The following SCAPER variants were observed in gnomAD, a reference collection of about 807,000 sequenced individuals.
The protein encoded by SCAPER is S phase cyclin A-associated protein in the endoplasmic reticulum.
SCAPER carries 98 observed loss-of-function variants against 182.2 expected under a neutral mutation model. The observed-to-expected ratio is 0.54, with a 90% CI of 0.46 to 0.64. SCAPER has a LOEUF of 0.64. SCAPER is among the 30% of genes least tolerant of loss of function. SCAPER has a pLI of 0.00. For missense variants in SCAPER, 1,432 were observed against 1,690.0 expected (o/e 0.85, Z 2.68); for synonymous variants, 605 against 564.6 (o/e 1.07, Z -1.01).
At chr15:76,474,951 C>G (rs1480618688) in intron 24 of SCAPER, among the ~76,000 whole-genome samples, 3 of 152,080 alleles carry the variant, frequency 2.0e-5, no homozygotes, top group Non-Finnish European at 4.4e-5. Context: ...AAAACCTTGA[C>G]CCACATCTAA....
chr15:76,700,293 C>T (rs1192727615), intron 20 of SCAPER, among the ~76,000 whole-genome samples: 1 of 152,186 alleles, frequency 6.6e-6, no homozygotes. Flanking sequence ...AGCAGCTGTT[C>T]CTGTGTCAAA....
rs1188409060 is a variant in SCAPER at position 76,425,350 on chromosome 15, C to T, written c.3311+8728G>A. On this transcript the variant is annotated intron_variant, in intron 26 of 31. Coordinates refer to ENST00000563290, the MANE Select transcript of SCAPER (RefSeq NM_020843.4). The stretch of plus-strand genomic sequence containing the variant: ...TTTTTTCTCTAAACTTCTCTTCTCG[C>T]TTCATTTCATTCATTTGATCTTCAA... 3.9e-5 allele frequency among the ~76,000 whole-genome samples: 6 copies of T among 152,252 alleles called. No individual in the cohort carries two copies. The South Asian group carries it at 6.2e-4, about 16-fold the overall frequency.
At chr15:76,857,655 GA>G (rs1266844066) in intron 4 of SCAPER, among the ~76,000 whole-genome samples, 153 bp downstream of exon 4, 1 of 151,990 alleles carries the variant, frequency 6.6e-6, no homozygotes, top group Non-Finnish European at 1.5e-5. Flanking sequence ...AAGTCACACT[GA>G]TTACCATATA....
At chr15:76,403,898 C>G (rs909777074) in intron 27 of SCAPER, among the ~76,000 whole-genome samples, 3 of 152,020 alleles carry the variant, frequency 2.0e-5, no homozygotes, top group African/African-American at 7.3e-5. Context: ...TTTTTGAGGA[C>G]AGTCCGCAGG....
At chr15:76,883,956 T>C (rs1310626916) in intron 1 of SCAPER, 80 bp from the exon 2 acceptor site, 1 of 684,058 alleles carries the variant, frequency 1.5e-6, no homozygotes, top group Non-Finnish European at 2.4e-6. Flanking sequence ...ACAAATCTCA[T>C]CCCCACACTT....
At chr15:76,850,388 G>A (rs1425098581) in intron 4 of SCAPER, among the ~76,000 whole-genome samples, 2 of 152,144 alleles carry the variant, frequency 1.3e-5, no homozygotes, top group Non-Finnish European at 2.9e-5. Context: ...AGCCATGGCT[G>A]AGCATACCCA....
chr15:76,351,362 T>C, intron 30 of SCAPER, 74 bp from the exon 31 acceptor site: 3 of 1,336,362 alleles, frequency 2.2e-6, no homozygotes, highest in Non-Finnish European at 3.1e-6. Context: ...GCTTTAAATA[T>C]ACTTCTGATT....
chr15:76,609,340 A>T (rs1597664217), intron 22 of SCAPER, among the ~76,000 whole-genome samples: 1 of 150,496 alleles, frequency 6.6e-6, no homozygotes, highest in East Asian at 1.9e-4. Flanking sequence ...AAAAAAAAAA[A>T]ATGCTGGGCA....
chr15:76,672,874 A>G (rs1350716034), intron 20 of SCAPER, among the ~76,000 whole-genome samples: 20 of 152,246 alleles, frequency 1.3e-4, no homozygotes, highest in Admixed American at 1.3e-3. Flanking sequence ...AGTACACAAT[A>G]CACTCGAAAA....
intron 21 of SCAPER, among the ~76,000 whole-genome samples, chr15:76,642,407 TA>T: frequency 6.6e-6 from 1 of 152,336 alleles, no homozygotes; most frequent in East Asian, 1.9e-4. Flanking sequence ...AGTAGAAAGT[TA>T]AAAGTACAAT....
intron 24 of SCAPER, among the ~76,000 whole-genome samples, chr15:76,491,463 A>G (rs1246827643): frequency 1.3e-5 from 2 of 152,324 alleles, no homozygotes; most frequent in Admixed American, 6.5e-5. Context: ...CTTTGAGGTA[A>G]CTACCCAGGT....
At chr15:76,491,471 G>A (rs2052300605) in intron 24 of SCAPER, among the ~76,000 whole-genome samples, 1 of 152,100 alleles carries the variant, frequency 6.6e-6, no homozygotes, top group African/African-American at 2.4e-5. Context: ...TAACTACCCA[G>A]GTGTGGGATT....
At chr15:76,550,859 G>A (rs758374383) in intron 23 of SCAPER, among the ~76,000 whole-genome samples, 70 of 152,170 alleles carry the variant, frequency 4.6e-4, no homozygotes, top group Middle Eastern at 3.4e-3. Flanking sequence ...AGCATCTATT[G>A]TTTCTTGACT....
intron 22 of SCAPER, among the ~76,000 whole-genome samples, chr15:76,584,991 G>A (rs1346050197): frequency 6.6e-6 from 1 of 152,194 alleles, no homozygotes; most frequent in Non-Finnish European, 1.5e-5. Context: ...GTGAACTTCA[G>A]TTTAAGCCTC....
intron 26 of SCAPER, among the ~76,000 whole-genome samples, chr15:76,412,717 T>C (rs1040641494): frequency 5.9e-5 from 9 of 152,188 alleles, no homozygotes; most frequent in Non-Finnish European, 8.8e-5. Flanking sequence ...GTTTTGGCTG[T>C]GTTAGAGCCT....
intron 23 of SCAPER, among the ~76,000 whole-genome samples, chr15:76,546,414 TC>T (rs2045286019): frequency 6.6e-6 from 1 of 152,158 alleles, no homozygotes; most frequent in South Asian, 2.1e-4. Flanking sequence ...GGTCTCGAAC[TC>T]CTAGGCTCAA....
chr15:76,666,890 C>A (rs1567744314), intron 20 of SCAPER, among the ~76,000 whole-genome samples: 1 of 152,152 alleles, frequency 6.6e-6, no homozygotes, highest in Non-Finnish European at 1.5e-5. Flanking sequence ...AACACCTGTT[C>A]CTATCTAAGA....
intron 26 of SCAPER, among the ~76,000 whole-genome samples, chr15:76,431,517 C>T (rs1270430003): frequency 6.6e-6 from 1 of 151,798 alleles, no homozygotes; most frequent in Non-Finnish European, 1.5e-5. Flanking sequence ...TGCTCTACTT[C>T]AGGGATACAG....
At chr15:76,713,339 T>C (rs563525425) in intron 17 of SCAPER, among the ~76,000 whole-genome samples, 13 of 152,140 alleles carry the variant, frequency 8.5e-5, no homozygotes, top group African/African-American at 2.2e-4. Flanking sequence ...CATATGTTTA[T>C]TGCGGCACTA....
Sources: allele counts gnomAD v4.1 joint callset (sites outside exome capture counted in the v4.1 genomes callset), GRCh38; gene constraint gnomAD v4.1.1; transcripts MANE v1.5; gene names NCBI Gene and HGNC (gene_info 2026-07-23, HGNC 2026-07-21).